Variants in TRHDE observed in about 807,000 individuals in gnomAD.
The protein encoded by TRHDE is thyrotropin-releasing hormone-degrading ectoenzyme.
Under a neutral mutation model 125.7 loss-of-function variants are expected in TRHDE, and 72 were observed. The observed-to-expected ratio is 0.57, with a 90% CI of 0.47 to 0.70. The LOEUF (loss-of-function observed/expected upper bound fraction) is 0.70, where lower values mean the gene tolerates loss of function less well. Among genes scored for constraint, TRHDE ranks in the 30% least tolerant of loss-of-function variants. The pLI is 0.00. For missense variants in TRHDE, 1,110 were observed against 1,327.1 expected, an observed-to-expected ratio of 0.84 and a Z score of 2.54; for synonymous variants, 509 against 509.1, an observed-to-expected ratio of 1.00 and a Z score of 0.00.
intron 2 of TRHDE, among the ~76,000 whole-genome samples, chr12:72,330,099 C>T (rs1869517790): frequency 6.6e-6 from 1 of 152,098 alleles, no homozygotes; most frequent in African/African-American, 2.4e-5. Flanking sequence ...TTTCCCATTT[C>T]TTGCTTGCTA....
chr12:72,628,161 T>C (rs1873337430), intron 15 of TRHDE, among the ~76,000 whole-genome samples: 1 of 151,818 alleles, frequency 6.6e-6, no homozygotes, highest in Non-Finnish European at 1.5e-5. Flanking sequence ...GCCTCCTACC[T>C]TACAATCTAA....
intron 12 of TRHDE, among the ~76,000 whole-genome samples, chr12:72,582,963 T>C (rs1871299081): frequency 2.6e-5 from 4 of 152,238 alleles, no homozygotes; most frequent in Admixed American, 2.0e-4. Context: ...ATTTTTCTTT[T>C]AGTTGTGTTT....
Position 72,380,746 on chromosome 12 carries a change from C to CCTTG in TRHDE, c.1315+2628_1315+2629insGCTT, listed in dbSNP as rs1565720442. 1.8e-4 allele frequency among the ~76,000 whole-genome samples: 17 copies of CCTTG among 94,584 alleles called. 1 individual carries two copies. Among genetic ancestry groups the CCTTG allele is most frequent in the African/African-American group, 1.0e-3 (15 of 14,758 alleles). 62.1% of individuals were successfully genotyped at this position (94,584 alleles called of 152,430 possible). ...TCCTTCCTTCCTTGCTTCCTTCCTT[C>CCTTG]CTTCCTTCCTTCCTTCCTTGCTTCC... On this transcript the variant is annotated intron_variant, in intron 3 of 18. Coordinates refer to ENST00000261180, the MANE Select transcript of TRHDE (RefSeq NM_013381.3).
intron 5 of TRHDE, among the ~76,000 whole-genome samples, chr12:72,492,719 G>A (rs778375728): frequency 2.0e-5 from 3 of 151,902 alleles, no homozygotes; most frequent in Admixed American, 1.3e-4. Flanking sequence ...GTTCAGTTTA[G>A]TAATAATTCA....
At chr12:72,572,217 T>C (rs564648740) in intron 10 of TRHDE, among the ~76,000 whole-genome samples, 1 of 152,240 alleles carries the variant, frequency 6.6e-6, no homozygotes, top group South Asian at 2.1e-4. Flanking sequence ...TAAAAAATTT[T>C]TAAATTCCAA....
chr12:72,561,520 A>G (rs1870177056), intron 7 of TRHDE, among the ~76,000 whole-genome samples: 1 of 152,230 alleles, frequency 6.6e-6, no homozygotes, highest in Non-Finnish European at 1.5e-5. Context: ...TAGAAAGTGT[A>G]TAGGTTTTAC....
chr12:72,359,101 A>G (rs190265767), intron 2 of TRHDE, among the ~76,000 whole-genome samples: 2 of 125,950 alleles, frequency 1.6e-5, no homozygotes, highest in East Asian at 4.9e-4. Flanking sequence ...GGTGTACCCC[A>G]CCCCCACCTC....
chr12:72,125,802 A>G (rs527989826), intron 2 of TRHDE, among the ~76,000 whole-genome samples: 2 of 152,298 alleles, frequency 1.3e-5, no homozygotes, highest in African/African-American at 4.8e-5. Context: ...TCCCTGAAAG[A>G]TGGGGAAAAA....
At chr12:72,393,238 G>A (rs533718600) in intron 3 of TRHDE, among the ~76,000 whole-genome samples, 1 of 152,296 alleles carries the variant, frequency 6.6e-6, no homozygotes, top group Admixed American at 6.5e-5. Context: ...ATGGAAGATA[G>A]AGAATAACTG....
intron 4 of TRHDE, among the ~76,000 whole-genome samples, chr12:72,470,843 C>T (rs1876607941): frequency 1.4e-5 from 2 of 147,808 alleles, no homozygotes; most frequent in Non-Finnish European, 3.0e-5. Flanking sequence ...GGTCAGACGA[C>T]CGTTCTATGT....
chr12:72,338,306 T>C (rs1869921859), intron 2 of TRHDE, among the ~76,000 whole-genome samples: 2 of 152,230 alleles, frequency 1.3e-5, no homozygotes, highest in Admixed American at 6.5e-5. Context: ...GCAGTTGTTA[T>C]GTCACGGTTA....
chr12:72,312,000 C>G (rs1346737950), intron 2 of TRHDE, among the ~76,000 whole-genome samples: 1 of 152,136 alleles, frequency 6.6e-6, no homozygotes. Flanking sequence ...GAAGTGGAAG[C>G]AAAGTGAACA....
intron 2 of TRHDE, among the ~76,000 whole-genome samples, chr12:72,141,469 A>G (rs114939535): frequency 0.035 from 5,301 of 152,244 alleles, 164 homozygotes; most frequent in African/African-American, 0.084. Flanking sequence ...CAAGGTAGAC[A>G]ATGCTCTTAA....
chr12:72,547,163 T>TA (rs1028920345), intron 7 of TRHDE, among the ~76,000 whole-genome samples: 23 of 150,670 alleles, frequency 1.5e-4, no homozygotes, highest in South Asian at 1.3e-3. Context: ...TTTTTTTTTT[T>TA]ACCATATGGA....
At chr12:72,283,529 A>G (rs912327417) in intron 1 of TRHDE, among the ~76,000 whole-genome samples, 9 of 152,270 alleles carry the variant, frequency 5.9e-5, no homozygotes, top group Non-Finnish European at 7.4e-5. Context: ...GTGTGTATGA[A>G]TTCATTAAGA....
chr12:72,303,255 T>C (rs2135689857), intron 2 of TRHDE: 1 of 152,230 alleles, frequency 6.6e-6, no homozygotes, highest in Non-Finnish European at 1.5e-5. Context: ...GATATAAACA[T>C]TCCCTTTTAA....
chr12:72,300,822 G>C (rs969187624), intron 2 of TRHDE, among the ~76,000 whole-genome samples: 1 of 151,990 alleles, frequency 6.6e-6, no homozygotes, highest in African/African-American at 2.4e-5. Context: ...AAAATCAATA[G>C]GTTTTGATGA....
intron 5 of TRHDE, among the ~76,000 whole-genome samples, chr12:72,496,368 T>C (rs1279215627): frequency 2.0e-5 from 3 of 152,196 alleles, no homozygotes; most frequent in Non-Finnish European, 4.4e-5. Context: ...CAGTTCCACA[T>C]GGCTGGAGAG....
chr12:72,566,329 A>G (rs968336748), intron 9 of TRHDE, among the ~76,000 whole-genome samples: 1 of 151,472 alleles, frequency 6.6e-6, no homozygotes, highest in South Asian at 2.1e-4. Flanking sequence ...TTTTTTTTTT[A>G]AGTTTTAAAA....
Sources: allele counts gnomAD v4.1 joint callset (sites outside exome capture counted in the v4.1 genomes callset), GRCh38; gene constraint gnomAD v4.1.1; transcripts MANE v1.5; gene names NCBI Gene and HGNC (gene_info 2026-07-23, HGNC 2026-07-21).